AGBL1: variants seen among roughly 807,000 people sequenced by gnomAD.
AGBL1 encodes the protein AGBL carboxypeptidase 1, also known as cytosolic carboxypeptidase 4.
A neutral mutation model predicts 118.9 loss-of-function variants in AGBL1; 130 were observed. The ratio of observed to expected loss-of-function variants is 1.09; its 90% confidence interval spans 0.95 to 1.26. The LOEUF is 1.26. Ranked by LOEUF, AGBL1 falls within the 50% of genes most tolerant of loss-of-function variation. The pLI, the probability that AGBL1 is intolerant of heterozygous loss-of-function variation, is 0.00. For missense variants in AGBL1, 1,584 were observed against 1,298.1 expected, an observed-to-expected ratio of 1.22 and a Z score of -3.38; for synonymous variants, 555 against 478.9, an observed-to-expected ratio of 1.16 and a Z score of -2.08.
intron 22 of AGBL1, among the ~76,000 whole-genome samples, chr15:86,860,442 A>ATATATT (rs571295327): frequency 1.3e-5 from 2 of 150,320 alleles, no homozygotes; most frequent in Non-Finnish European, 3.0e-5. Context: ...TTTCATATAT[A>ATATATT]TATATTTATA....
chr15:86,523,733 G>A (rs989782419), intron 19 of AGBL1, among the ~76,000 whole-genome samples: 1 of 152,020 alleles, frequency 6.6e-6, no homozygotes, highest in African/African-American at 2.4e-5. Flanking sequence ...TTCTGGCACT[G>A]CCCCAGGGAT....
At chr15:86,379,602 T>C (rs750543739) in intron 17 of AGBL1, among the ~76,000 whole-genome samples, 4 of 152,226 alleles carry the variant, frequency 2.6e-5, no homozygotes, top group Non-Finnish European at 1.5e-5. Context: ...TTACATGCAT[T>C]ATCATATTTA....
At chr15:86,582,557 C>T (rs1486579929) in intron 21 of AGBL1, among the ~76,000 whole-genome samples, 1 of 152,052 alleles carries the variant, frequency 6.6e-6, no homozygotes, top group Non-Finnish European at 1.5e-5. Flanking sequence ...AAGACACATG[C>T]ACACGTATGT....
At chr15:86,141,265 T>C (rs1223191190) in intron 1 of AGBL1, among the ~76,000 whole-genome samples, 1 of 152,236 alleles carries the variant, frequency 6.6e-6, no homozygotes, top group Non-Finnish European at 1.5e-5. Flanking sequence ...CACCCTGGGA[T>C]TCTCCTGAGA....
At chr15:86,639,007 C>T (rs775689615) in intron 21 of AGBL1, among the ~76,000 whole-genome samples, 3 of 152,140 alleles carry the variant, frequency 2.0e-5, no homozygotes, top group Non-Finnish European at 4.4e-5. Flanking sequence ...CCACTCTGTT[C>T]CTTGCCAGGT....
chr15:86,108,085 C>T (rs532203923), intron 1 of AGBL1, among the ~76,000 whole-genome samples: 2 of 152,308 alleles, frequency 1.3e-5, no homozygotes, highest in African/African-American at 4.8e-5. Context: ...ATTTTACATA[C>T]AATTAAACCT....
chr15:86,247,324 C>T (rs1344315855), intron 6 of AGBL1, among the ~76,000 whole-genome samples: 1 of 152,154 alleles, frequency 6.6e-6, no homozygotes, highest in Non-Finnish European at 1.5e-5. Context: ...TTGACATTTT[C>T]AAGGAGTGGA....
intron 22 of AGBL1, among the ~76,000 whole-genome samples, chr15:86,828,574 G>T (rs996828562): frequency 6.6e-6 from 1 of 152,086 alleles, no homozygotes; most frequent in African/African-American, 2.4e-5. Flanking sequence ...AACACCAGGG[G>T]TCTCTAGAAG....
intron 21 of AGBL1, among the ~76,000 whole-genome samples, chr15:86,562,870 G>T (rs1596268322): frequency 2.2e-5 from 1 of 45,744 alleles, no homozygotes; most frequent in African/African-American, 6.1e-5. Flanking sequence ...GTTTAGTCTT[G>T]GGAGGGTGCA....
intron 22 of AGBL1, among the ~76,000 whole-genome samples, chr15:86,778,047 AAG>A (rs1376623967): frequency 6.6e-6 from 1 of 152,170 alleles, no homozygotes; most frequent in African/African-American, 2.4e-5. Flanking sequence ...CAGAGTACAA[AAG>A]AGAGAAATTT....
At chr15:86,898,425 C>A (rs944346663) in intron 22 of AGBL1, among the ~76,000 whole-genome samples, 5 of 152,136 alleles carry the variant, frequency 3.3e-5, no homozygotes, top group Non-Finnish European at 7.4e-5. Flanking sequence ...CTGCATATGA[C>A]TAGCCAGTTA....
chr15:86,958,465 T>A (rs1392120093), intron 23 of AGBL1, among the ~76,000 whole-genome samples: 1 of 151,990 alleles, frequency 6.6e-6, no homozygotes, highest in Non-Finnish European at 1.5e-5. Context: ...AAAAGAAACA[T>A]GAATCAGACC....
chr15:87,022,398 G>C (rs534763901), intron 24 of AGBL1, among the ~76,000 whole-genome samples: 2 of 151,896 alleles, frequency 1.3e-5, no homozygotes, highest in African/African-American at 4.8e-5. Flanking sequence ...CCAATCCAAC[G>C]AAGACAAAGA....
intron 9 of AGBL1, among the ~76,000 whole-genome samples, chr15:86,258,546 T>G (rs905504763): frequency 6.6e-6 from 1 of 152,194 alleles, no homozygotes; most frequent in Non-Finnish European, 1.5e-5. Context: ...CAAAAAGGCC[T>G]ATTCTATAGA....
At chr15:86,561,978 T>G (rs1014468728) in intron 21 of AGBL1, among the ~76,000 whole-genome samples, 2 of 152,186 alleles carry the variant, frequency 1.3e-5, no homozygotes, top group African/African-American at 4.8e-5. Flanking sequence ...TGTATAAGAA[T>G]GCTTGTGATT....
intron 1 of AGBL1, among the ~76,000 whole-genome samples, chr15:86,104,575 G>A (rs1896925613): frequency 2.0e-5 from 3 of 152,092 alleles, no homozygotes; most frequent in Admixed American, 2.0e-4. Flanking sequence ...ACATGAAAAC[G>A]CACAGAGGTC....
intron 18 of AGBL1, among the ~76,000 whole-genome samples, chr15:86,416,500 C>T (rs1209496176): frequency 1.3e-5 from 2 of 152,016 alleles, no homozygotes. Flanking sequence ...GAAACTCAGC[C>T]AGCAAGACTC....
At chr15:86,300,090 A>G (rs968219149) in intron 17 of AGBL1, among the ~76,000 whole-genome samples, 2 of 151,932 alleles carry the variant, frequency 1.3e-5, no homozygotes, top group Non-Finnish European at 2.9e-5. Flanking sequence ...TCTTACCTCC[A>G]TTTTGCAGAT....
intron 3 of AGBL1, among the ~76,000 whole-genome samples, chr15:86,153,115 G>T (rs1490395112): frequency 6.6e-6 from 1 of 152,096 alleles, no homozygotes; most frequent in Non-Finnish European, 1.5e-5. Flanking sequence ...ACTCCTCAAG[G>T]ATCTAGAACT....
Sources: gnomAD v4.1 joint callset for allele counts (sites outside exome capture counted in the v4.1 genomes callset) on GRCh38, gnomAD v4.1.1 for gene constraint, MANE v1.5 for transcripts, NCBI Gene and HGNC (gene_info 2026-07-23, HGNC 2026-07-21) for gene names.